The following XYLT1 variants were observed in gnomAD, a reference collection of about 807,000 sequenced individuals.
XYLT1 encodes the protein xylosyltransferase 1, also known as beta-D-xylosyltransferase 1.
In XYLT1, 36 loss-of-function variants were observed where a neutral mutation model predicts 91.3. That is an observed-to-expected ratio of 0.39 (90% CI 0.30 to 0.52). The LOEUF is 0.52. Among genes scored for constraint, XYLT1 ranks in the 20% least tolerant of loss-of-function variants. The pLI is 0.68. For missense variants in XYLT1, 1,242 were observed against 1,284.5 expected (o/e 0.97, Z 0.51); for synonymous variants, 588 against 532.0 (o/e 1.11, Z -1.45).
At chr16:17,300,949 T>A (rs1420509171) in intron 2 of XYLT1, among the ~76,000 whole-genome samples, 1 of 152,150 alleles carries the variant, frequency 6.6e-6, no homozygotes, top group African/African-American at 2.4e-5. Flanking sequence ...TCATTAGCTG[T>A]GCAACTCTGG....
At chr16:17,443,165 G>A (rs1233070261) in intron 1 of XYLT1, among the ~76,000 whole-genome samples, 1 of 152,110 alleles carries the variant, frequency 6.6e-6, no homozygotes, top group Non-Finnish European at 1.5e-5. Context: ...GTTAATTGAA[G>A]CAAAGGAATT....
At position 17,127,729 on chromosome 16, in the gene XYLT1, C is replaced by G; in HGVS notation, c.2160G>C (p.Met720Ile). 6.2e-7 allele frequency: 1 copy of G among 1,614,122 alleles called. No individual in the cohort carries two copies. The highest frequency in any genetic ancestry group is 8.5e-7 in the Non-Finnish European group (1 of 1,180,026). ...SKLETLETWVMPKKVFKIASP... is the reference protein window; with the variant it reads ...SKLETLETWVIPKKVFKIASP... ...TTGCGATCTTGAAGACTTTTTTCGG[C>G]ATCACCCAGGTCTCCAGAGTCTCTA... Residue 720 changes from methionine to isoleucine, a missense_variant, in exon 10 of 12, where the codon ATG becomes ATC. Coordinates refer to ENST00000261381, the MANE Select transcript of XYLT1 (RefSeq NM_022166.4).
At chr16:17,285,538 G>A (rs1256504828) in intron 2 of XYLT1, among the ~76,000 whole-genome samples, 1 of 152,184 alleles carries the variant, frequency 6.6e-6, no homozygotes, top group African/African-American at 2.4e-5. Flanking sequence ...TGGGCACTGT[G>A]CATGTGCCCA....
chr16:17,207,534 C>T (rs538288182), intron 3 of XYLT1, among the ~76,000 whole-genome samples: 1 of 152,172 alleles, frequency 6.6e-6, no homozygotes, highest in African/African-American at 2.4e-5. Flanking sequence ...CATCCACATA[C>T]AGGGTCCCGG....
intron 1 of XYLT1, among the ~76,000 whole-genome samples, chr16:17,386,879 G>A (rs151324769): frequency 4.6e-5 from 7 of 152,270 alleles, no homozygotes; most frequent in African/African-American, 1.7e-4. Context: ...GCTAAGAGAG[G>A]GGAAGTGACT....
intron 2 of XYLT1, among the ~76,000 whole-genome samples, chr16:17,297,313 T>C (rs1274142501): frequency 1.3e-5 from 2 of 152,092 alleles, no homozygotes; most frequent in Non-Finnish European, 2.9e-5. Flanking sequence ...ACGCCTATAA[T>C]CCCAGCACTC....
chr16:17,373,410 A>C (rs1345033869), intron 1 of XYLT1, among the ~76,000 whole-genome samples: 3 of 152,214 alleles, frequency 2.0e-5, no homozygotes, highest in Admixed American at 1.3e-4. Context: ...TGCTGGCCCC[A>C]TTTTATAGAT....
intron 3 of XYLT1, among the ~76,000 whole-genome samples, chr16:17,207,896 T>C (rs1395602300): frequency 6.6e-6 from 1 of 152,124 alleles, no homozygotes; most frequent in Non-Finnish European, 1.5e-5. Flanking sequence ...CCAGCACCTG[T>C]CAGGTCTCAG....
chr16:17,400,989 C>A (rs1176429304), intron 1 of XYLT1, among the ~76,000 whole-genome samples: 2 of 98,936 alleles, frequency 2.0e-5, no homozygotes, highest in Non-Finnish European at 4.3e-5. Flanking sequence ...CTTTCATACA[C>A]ACACACACAC....
intron 2 of XYLT1, among the ~76,000 whole-genome samples, chr16:17,355,568 G>C (rs66559556): frequency 0.26 from 39,565 of 151,984 alleles, 5,401 homozygotes; most frequent in African/African-American, 0.32. Context: ...CAGAGGGTGC[G>C]TACAGGAACA....
At chr16:17,382,154 T>G (rs1243353778) in intron 1 of XYLT1, among the ~76,000 whole-genome samples, 1 of 151,880 alleles carries the variant, frequency 6.6e-6, no homozygotes. Context: ...GAGAAGCCAC[T>G]TTGGGCCAAA....
At chr16:17,117,469 T>A (rs1258972972) in intron 11 of XYLT1, among the ~76,000 whole-genome samples, 177 bp downstream of exon 11, 3 of 152,152 alleles carry the variant, frequency 2.0e-5, no homozygotes, top group African/African-American at 4.8e-5. Flanking sequence ...CGTGTGCAGG[T>A]AGGACATTAG....
chr16:17,342,417 T>A (rs1596491998), intron 2 of XYLT1, among the ~76,000 whole-genome samples: 2 of 152,096 alleles, frequency 1.3e-5, no homozygotes, highest in East Asian at 3.9e-4. Flanking sequence ...CCATCTGACA[T>A]GACATATCAA....
intron 3 of XYLT1, among the ~76,000 whole-genome samples, chr16:17,213,525 T>C (rs985770630): frequency 2.0e-5 from 3 of 152,196 alleles, no homozygotes; most frequent in Admixed American, 6.5e-5. Flanking sequence ...TCAGCTAATA[T>C]GCTGCAGAAC....
intron 3 of XYLT1, among the ~76,000 whole-genome samples, chr16:17,203,408 TCA>T (rs2032579420): frequency 6.6e-6 from 1 of 151,698 alleles, no homozygotes; most frequent in African/African-American, 2.4e-5. Flanking sequence ...ACTCATCCAT[TCA>T]TCCATCCACC....
chr16:17,272,672 G>T (rs976060143), intron 2 of XYLT1, among the ~76,000 whole-genome samples: 3 of 152,120 alleles, frequency 2.0e-5, no homozygotes, highest in African/African-American at 7.2e-5. Context: ...AGATTTCTAC[G>T]CATGACAGTT....
chr16:17,466,477 T>C (rs1484653979), intron 1 of XYLT1, among the ~76,000 whole-genome samples: 1 of 152,246 alleles, frequency 6.6e-6, no homozygotes, highest in Non-Finnish European at 1.5e-5. Flanking sequence ...GTCAAATCTC[T>C]GCTTTAACTC....
intron 1 of XYLT1, among the ~76,000 whole-genome samples, chr16:17,361,068 G>A (rs935750248): frequency 2.6e-5 from 4 of 152,160 alleles, no homozygotes; most frequent in African/African-American, 7.2e-5. Context: ...CATGTGACTC[G>A]ACAGTTCTTT....
At chr16:17,132,825 C>T (rs1348138646) in intron 9 of XYLT1, among the ~76,000 whole-genome samples, 1 of 152,094 alleles carries the variant, frequency 6.6e-6, no homozygotes. Flanking sequence ...ATCGCTTGAA[C>T]CTGGGAGGTG....
Sources: gnomAD v4.1 joint callset for allele counts (sites outside exome capture counted in the v4.1 genomes callset) on GRCh38, gnomAD v4.1.1 for gene constraint, MANE v1.5 for transcripts, NCBI Gene and HGNC (gene_info 2026-07-23, HGNC 2026-07-21) for gene names.